The following GRIA4 variants were observed in gnomAD, a reference collection of about 807,000 sequenced individuals.
GRIA4 encodes the protein glutamate receptor 4.
GRIA4 carries 34 observed loss-of-function variants against 104.0 expected under a neutral mutation model. That is an observed-to-expected ratio of 0.33 (90% CI 0.25 to 0.44). GRIA4 has a LOEUF of 0.44. Ranked by LOEUF, GRIA4 falls within the 20% of genes least tolerant of loss-of-function variation. GRIA4 has a pLI of 1.00. For synonymous variants in GRIA4, 386 were observed against 381.9 expected (o/e 1.01, Z -0.13); for missense variants, 750 against 1,096.5 (o/e 0.68, Z 4.46).
At chr11:105,632,536 T>C (rs904550125) in intron 3 of GRIA4, among the ~76,000 whole-genome samples, 1 of 152,206 alleles carries the variant, frequency 6.6e-6, no homozygotes, top group Admixed American at 6.5e-5. Flanking sequence ...GACAAATTAA[T>C]CATCCTCTTT....
At chr11:105,806,457 G>A (rs1942956677) in intron 4 of GRIA4, among the ~76,000 whole-genome samples, 2 of 151,888 alleles carry the variant, frequency 1.3e-5, no homozygotes, top group African/African-American at 4.8e-5. Context: ...CAGGTATATT[G>A]ATTGAAAATG....
intron 3 of GRIA4, among the ~76,000 whole-genome samples, chr11:105,622,414 T>G (rs979063451): frequency 6.6e-6 from 1 of 151,878 alleles, no homozygotes; most frequent in Non-Finnish European, 1.5e-5. Context: ...AACTGCTACA[T>G]TTGTGCAAAA....
intron 3 of GRIA4, among the ~76,000 whole-genome samples, chr11:105,619,223 T>G: frequency 6.6e-6 from 1 of 151,934 alleles, no homozygotes; most frequent in Admixed American, 6.6e-5. Flanking sequence ...AGCCTGATAG[T>G]GGGCAAGTTA....
At chr11:105,962,756 T>C (rs1006311845) in intron 14 of GRIA4, among the ~76,000 whole-genome samples, 4 of 152,300 alleles carry the variant, frequency 2.6e-5, no homozygotes, top group South Asian at 2.1e-4. Context: ...TTCTCCAATA[T>C]GGTTTAAACA....
At chr11:105,681,859 T>C (rs796385267) in intron 3 of GRIA4, among the ~76,000 whole-genome samples, 3 of 152,176 alleles carry the variant, frequency 2.0e-5, no homozygotes, top group African/African-American at 7.2e-5. Flanking sequence ...CTGGTCAACA[T>C]GGTGAAACCC....
intron 11 of GRIA4, among the ~76,000 whole-genome samples, chr11:105,922,912 A>G (rs1947605192): frequency 6.6e-6 from 1 of 152,158 alleles, no homozygotes; most frequent in South Asian, 2.1e-4. Context: ...AATGATAGCT[A>G]TGGGGAAAAT....
At chr11:105,937,669 T>C (rs997240056) in intron 14 of GRIA4, among the ~76,000 whole-genome samples, 2 of 152,218 alleles carry the variant, frequency 1.3e-5, no homozygotes, top group African/African-American at 4.8e-5. Flanking sequence ...ACCTATACTT[T>C]TATTATTCAA....
intron 3 of GRIA4, among the ~76,000 whole-genome samples, chr11:105,738,893 G>C (rs1199239847): frequency 8.0e-6 from 1 of 125,116 alleles, no homozygotes; most frequent in East Asian, 2.4e-4. Context: ...TCTATACTTT[G>C]TTTCTTCATA....
intron 14 of GRIA4, among the ~76,000 whole-genome samples, chr11:105,969,684 A>T (rs1858583971): frequency 6.6e-6 from 1 of 152,110 alleles, no homozygotes; most frequent in South Asian, 2.1e-4. Context: ...CCATTCAAGA[A>T]CTGAAATATA....
At chr11:105,865,102 T>C (rs772808511) in intron 5 of GRIA4, among the ~76,000 whole-genome samples, 14 of 152,234 alleles carry the variant, frequency 9.2e-5, no homozygotes, top group Non-Finnish European at 1.2e-4. Context: ...TTCTTATAAA[T>C]GTATTGCTAT....
chr11:105,664,449 G>C (rs1952106120), intron 3 of GRIA4, among the ~76,000 whole-genome samples: 1 of 151,298 alleles, frequency 6.6e-6, no homozygotes, highest in Non-Finnish European at 1.5e-5. Context: ...TAATGTGTTT[G>C]ATTTATATCC....
Position 105,974,449 on chromosome 11 carries a change from C to A in GRIA4, c.2544+5C>A. On this transcript the variant is annotated splice_donor_5th_base_variant and intron_variant, in intron 16 of 16. Coordinates refer to ENST00000282499, the MANE Select transcript of GRIA4 (RefSeq NM_000829.4). ...GCAGAAGCGAAGAGAATGAAGGTGG[C>A]AAAGAGTGCACAGACTTTTAACCCA... The A allele has an allele frequency of 6.2e-7, 1 of 1,613,898 alleles. No individual in the cohort carries two copies. Among genetic ancestry groups the A allele is most frequent in the South Asian group, 1.1e-5 (1 of 91,074 alleles).
chr11:105,867,997 C>T (rs181661022), intron 5 of GRIA4, among the ~76,000 whole-genome samples: 2 of 152,252 alleles, frequency 1.3e-5, no homozygotes, highest in African/African-American at 4.8e-5. Flanking sequence ...AGGTGAGCAA[C>T]TCATGGTCCT....
intron 3 of GRIA4, among the ~76,000 whole-genome samples, chr11:105,660,664 GA>G (rs920204527): frequency 2.7e-5 from 4 of 150,536 alleles, no homozygotes; most frequent in African/African-American, 7.3e-5. Context: ...GAAAGAGACA[GA>G]AAAAAAACAG....
intron 3 of GRIA4, among the ~76,000 whole-genome samples, chr11:105,636,371 C>A (rs1173096500): frequency 9.9e-5 from 15 of 152,104 alleles, no homozygotes; most frequent in Non-Finnish European, 5.9e-5. Context: ...GAATATCTTG[C>A]CATTTTACAT....
At chr11:105,673,186 A>G (rs1341659108) in intron 3 of GRIA4, among the ~76,000 whole-genome samples, 1 of 152,066 alleles carries the variant, frequency 6.6e-6, no homozygotes, top group Admixed American at 6.6e-5. Context: ...TCTGAATGCA[A>G]ATTATCATCT....
intron 3 of GRIA4, among the ~76,000 whole-genome samples, chr11:105,705,230 C>G (rs1451889300): frequency 9.2e-5 from 14 of 152,014 alleles, no homozygotes; most frequent in Admixed American, 8.5e-4. Context: ...AAAATAAAAT[C>G]AGTTGCATAC....
intron 13 of GRIA4, among the ~76,000 whole-genome samples, chr11:105,933,413 C>T (rs1283980224): frequency 6.6e-6 from 1 of 151,812 alleles, no homozygotes; most frequent in Non-Finnish European, 1.5e-5. Context: ...TCATGGCAGT[C>T]TACATAGAAA....
At chr11:105,708,121 C>CCAT (rs538090723) in intron 3 of GRIA4, among the ~76,000 whole-genome samples, 230 of 152,126 alleles carry the variant, frequency 1.5e-3, no homozygotes, top group Non-Finnish European at 2.5e-3. Flanking sequence ...TGATTTGATG[C>CCAT]CATCATCATC....
Sources: gnomAD v4.1 joint callset for allele counts (sites outside exome capture counted in the v4.1 genomes callset) on GRCh38, gnomAD v4.1.1 for gene constraint, MANE v1.5 for transcripts, NCBI Gene and HGNC (gene_info 2026-07-23, HGNC 2026-07-21) for gene names.